CUL2: variants seen among roughly 807,000 people sequenced by gnomAD.
CUL2 encodes the protein cullin-2.
A neutral mutation model predicts 110.2 loss-of-function variants in CUL2; 22 were observed. That is an observed-to-expected ratio of 0.20 (90% CI 0.14 to 0.28). The LOEUF is 0.28. Among genes scored for constraint, CUL2 ranks in the 10% least tolerant of loss-of-function variants. The pLI, the probability that CUL2 is intolerant of heterozygous loss-of-function variation, is 1.00. For missense variants in CUL2, 631 were observed against 905.5 expected (o/e 0.70, Z 3.89); for synonymous variants, 279 against 293.2 (o/e 0.95, Z 0.49).
At chr10:35,104,651 C>T (rs1254610082) in intron 1 of CUL2, among the ~76,000 whole-genome samples, 4 of 151,758 alleles carry the variant, frequency 2.6e-5, no homozygotes, top group African/African-American at 4.8e-5. Flanking sequence ...AAATTAATGG[C>T]AAATTAATTA....
intron 1 of CUL2, among the ~76,000 whole-genome samples, chr10:35,110,686 G>A (rs2087513830): frequency 6.6e-6 from 1 of 152,130 alleles, no homozygotes; most frequent in African/African-American, 2.4e-5. Flanking sequence ...TCTGTTGCAG[G>A]CCTCTCTCCT....
At chr10:35,110,214 G>A (rs1009264546) in intron 1 of CUL2, among the ~76,000 whole-genome samples, 4 of 152,142 alleles carry the variant, frequency 2.6e-5, no homozygotes, top group Non-Finnish European at 4.4e-5. Flanking sequence ...GAACAAGGAG[G>A]TATAATTGTT....
chr10:35,121,949 G>T (rs1490286441), intron 1 of CUL2, among the ~76,000 whole-genome samples: 1 of 152,104 alleles, frequency 6.6e-6, no homozygotes, highest in Non-Finnish European at 1.5e-5. Context: ...CAGCACATCA[G>T]ATTTAGAGGT....
intron 2 of CUL2, among the ~76,000 whole-genome samples, chr10:35,067,977 G>T (rs923726073): frequency 6.6e-6 from 1 of 151,866 alleles, no homozygotes; most frequent in Non-Finnish European, 1.5e-5. Context: ...GGGCATTGTG[G>T]TGGGCGCCTG....
At chr10:35,116,315 A>C (rs2087599942) in intron 1 of CUL2, among the ~76,000 whole-genome samples, 1 of 152,200 alleles carries the variant, frequency 6.6e-6, no homozygotes, top group African/African-American at 2.4e-5. Flanking sequence ...ACTGCACTCC[A>C]GCCTGGGCGA....
At chr10:35,067,747 A>C (rs534287546) in intron 2 of CUL2, among the ~76,000 whole-genome samples, 1 of 151,870 alleles carries the variant, frequency 6.6e-6, no homozygotes, top group South Asian at 2.1e-4. Flanking sequence ...CTGCCACAAA[A>C]AAAAAAAAAA....
At chr10:35,088,568 C>T (rs1481676397) in intron 1 of CUL2, among the ~76,000 whole-genome samples, 3 of 151,254 alleles carry the variant, frequency 2.0e-5, no homozygotes, top group Non-Finnish European at 4.4e-5. Flanking sequence ...ATGCCTGCAG[C>T]CCTGCTTGAC....
At chr10:35,085,473 T>C (rs2087039046) in intron 1 of CUL2, among the ~76,000 whole-genome samples, 2 of 138,860 alleles carry the variant, frequency 1.4e-5, no homozygotes, top group Admixed American at 1.4e-4. Flanking sequence ...CCAGGCGCGG[T>C]GTGGCTCACA....
intron 17 of CUL2, among the ~76,000 whole-genome samples, chr10:35,019,093 A>C (rs567638172): frequency 1.3e-5 from 2 of 152,356 alleles, no homozygotes; most frequent in Non-Finnish European, 2.9e-5. Context: ...GGAAAATGTA[A>C]GTAAAACATT....
chr10:35,077,293 C>CAA (rs757497334), intron 1 of CUL2, among the ~76,000 whole-genome samples: 1 of 118,698 alleles, frequency 8.4e-6, no homozygotes, highest in East Asian at 2.4e-4. Flanking sequence ...GACTCCGTCT[C>CAA]AAAAAAAAAA....
intron 1 of CUL2, among the ~76,000 whole-genome samples, chr10:35,075,682 A>G (rs868435263): frequency 7.2e-5 from 10 of 139,196 alleles, no homozygotes; most frequent in East Asian, 2.1e-4. Flanking sequence ...ACACACACAC[A>G]CGCACGCTCC....
Position 35,047,483 on chromosome 10 carries a change from G to A in CUL2, c.506+2200C>T, listed in dbSNP as rs552762878. ...AAAATAGCCGGGTGTGGTGGTGCGC[G>A]TCTGTAGTCCCAGCTACTCGGGAGG... On this transcript the variant is annotated intron_variant, in intron 6 of 20. Coordinates refer to ENST00000374749, the MANE Select transcript of CUL2 (RefSeq NM_003591.4). Among the ~76,000 whole-genome samples, 76 of 151,256 alleles carry A rather than the reference G, an allele frequency of 5.0e-4. 1 individual carries two copies. Among genetic ancestry groups the A allele is most frequent in the South Asian group, 1.7e-3 (8 of 4,792 alleles).
chr10:35,081,466 T>G (rs1397129990), intron 1 of CUL2, among the ~76,000 whole-genome samples: 4 of 152,234 alleles, frequency 2.6e-5, no homozygotes, highest in Admixed American at 1.3e-4. Flanking sequence ...TATTCTCATA[T>G]ATGTATCCCC....
intron 1 of CUL2, among the ~76,000 whole-genome samples, chr10:35,081,914 G>C (rs909008165): frequency 6.6e-6 from 1 of 152,100 alleles, no homozygotes; most frequent in South Asian, 2.1e-4. Flanking sequence ...AGAAGACACA[G>C]GCATGGAAGA....
intron 4 of CUL2, 65 bp downstream of exon 4, chr10:35,060,809 A>G: frequency 7.8e-7 from 1 of 1,283,114 alleles, no homozygotes; most frequent in Non-Finnish European, 1.1e-6. Context: ...TAAAAAAATT[A>G]TCCTGTCAAC....
chr10:35,107,502 T>G (rs78419371), intron 1 of CUL2, among the ~76,000 whole-genome samples: 22,964 of 152,092 alleles, frequency 0.15, 1,958 homozygotes, highest in East Asian at 0.24. Context: ...CAGAAATGTG[T>G]CCTTTAATGT....
At chr10:35,010,471 C>A in intron 20 of CUL2, 29 bp from the exon 21 acceptor site, 1 of 1,577,984 alleles carries the variant, frequency 6.3e-7, no homozygotes, top group South Asian at 1.2e-5. Flanking sequence ...AGTCAAACTA[C>A]TGCCAGTTCT....
chr10:35,065,448 A>G (rs905292435), intron 2 of CUL2, among the ~76,000 whole-genome samples: 1 of 152,002 alleles, frequency 6.6e-6, no homozygotes, highest in Non-Finnish European at 1.5e-5. Context: ...GTGAAACCCC[A>G]TCTCTACTAA....
chr10:35,080,134 ATAC>A (rs1688462341), intron 1 of CUL2, among the ~76,000 whole-genome samples: 1 of 152,236 alleles, frequency 6.6e-6, no homozygotes, highest in Non-Finnish European at 1.5e-5. Flanking sequence ...GGGAAGTGGA[ATAC>A]CATATTAACT....
Sources: allele counts gnomAD v4.1 joint callset (sites outside exome capture counted in the v4.1 genomes callset), GRCh38; gene constraint gnomAD v4.1.1; transcripts MANE v1.5; gene names NCBI Gene and HGNC (gene_info 2026-07-23, HGNC 2026-07-21).